MAGI1: variants seen among roughly 807,000 people sequenced by gnomAD.
The protein encoded by MAGI1 is membrane associated guanylate kinase, WW and PDZ domain containing 1.
A neutral mutation model predicts 139.9 loss-of-function variants in MAGI1; 58 were observed. The observed-to-expected ratio is 0.41, with a 90% CI of 0.34 to 0.52. MAGI1 has a LOEUF of 0.52. MAGI1 is among the 20% of genes least tolerant of loss of function. The probability of loss-of-function intolerance (pLI) is 0.12; values close to 1 mark genes in which losing one functional copy is unlikely to be tolerated. For missense variants in MAGI1, 1,874 were observed against 1,901.6 expected (o/e 0.99, Z 0.27); for synonymous variants, 812 against 737.9 (o/e 1.10, Z -1.63).
intron 2 of MAGI1, among the ~76,000 whole-genome samples, chr3:65,510,121 C>G (rs989050593): frequency 6.6e-6 from 1 of 152,288 alleles, no homozygotes; most frequent in Non-Finnish European, 1.5e-5. Flanking sequence ...AACTAACAAA[C>G]AGAAAGGACA....
intron 1 of MAGI1, among the ~76,000 whole-genome samples, chr3:65,978,223 T>C (rs1379743551): frequency 1.3e-5 from 2 of 152,166 alleles, no homozygotes; most frequent in African/African-American, 4.8e-5. Flanking sequence ...AAGAATATTA[T>C]CCTCCTCTTA....
chr3:65,557,534 G>A (rs533652784), intron 2 of MAGI1, among the ~76,000 whole-genome samples: 8 of 152,258 alleles, frequency 5.3e-5, no homozygotes, highest in Middle Eastern at 3.4e-3. Flanking sequence ...TAAATATATC[G>A]TTTTAGCTTT....
intron 2 of MAGI1, among the ~76,000 whole-genome samples, chr3:65,551,461 C>A (rs1451986662): frequency 1.3e-5 from 2 of 152,128 alleles, no homozygotes; most frequent in South Asian, 2.1e-4. Context: ...CCACCGCGCG[C>A]GGCTAATTTT....
At chr3:65,628,082 G>A (rs1224133984) in intron 1 of MAGI1, among the ~76,000 whole-genome samples, 2 of 151,930 alleles carry the variant, frequency 1.3e-5, no homozygotes, top group East Asian at 3.9e-4. Context: ...GCAAATGTGT[G>A]GGGTTTTTCC....
chr3:65,985,744 G>A (rs567037820), intron 1 of MAGI1, among the ~76,000 whole-genome samples: 1 of 152,316 alleles, frequency 6.6e-6, no homozygotes, highest in South Asian at 2.1e-4. Context: ...AGCAAGGAGA[G>A]GGGGTGGTTT....
intron 14 of MAGI1, chr3:65,387,096 C>T (rs373138145): frequency 2.0e-6 from 3 of 1,527,478 alleles, no homozygotes; most frequent in African/African-American, 1.4e-5. Flanking sequence ...GAACATCAAA[C>T]AAGATGAATG....
chr3:65,540,134 C>T (rs1183874913), intron 2 of MAGI1, among the ~76,000 whole-genome samples: 8 of 152,182 alleles, frequency 5.3e-5, no homozygotes, highest in Non-Finnish European at 8.8e-5. Flanking sequence ...CATACAACAG[C>T]AACTTATGCT....
chr3:66,034,571 C>T (rs574465596), intron 1 of MAGI1, among the ~76,000 whole-genome samples: 3 of 152,192 alleles, frequency 2.0e-5, no homozygotes, highest in East Asian at 1.9e-4. Context: ...TATACTAGGA[C>T]GGCTAAAATT....
chr3:65,658,102 G>A (rs913594584), intron 1 of MAGI1, among the ~76,000 whole-genome samples: 11 of 152,134 alleles, frequency 7.2e-5, no homozygotes, highest in South Asian at 2.1e-4. Context: ...GGAAAATCAC[G>A]AACTTTATCA....
chr3:65,676,923 A>G lies in MAGI1; in HGVS notation c.314-54835T>C, dbSNP rs141742675. Among the ~76,000 whole-genome samples the G allele has an allele frequency of 1.7e-3, 254 of 152,312 alleles. 1 individual carries two copies. The highest frequency in any genetic ancestry group is 6.8e-3 in the Middle Eastern group (2 of 294). On this transcript the variant is annotated intron_variant, in intron 1 of 22. Transcript: ENST00000402939. ...ACAAACATACCAGATTCCATTACCA[A>G]TGAGCTATTCAAAGGGATTTTACCA...
chr3:65,690,006 C>T (rs1389523797), intron 1 of MAGI1, among the ~76,000 whole-genome samples: 1 of 152,114 alleles, frequency 6.6e-6, no homozygotes, highest in Non-Finnish European at 1.5e-5. Context: ...CATGTTGTTT[C>T]AATGAGGTTG....
chr3:65,633,896 G>A (rs1386217533), intron 1 of MAGI1, among the ~76,000 whole-genome samples: 1 of 152,140 alleles, frequency 6.6e-6, no homozygotes, highest in East Asian at 1.9e-4. Flanking sequence ...TCAGAATGCT[G>A]AGTGGAATCT....
chr3:65,990,300 A>C (rs1279677511), intron 1 of MAGI1, among the ~76,000 whole-genome samples: 4 of 152,174 alleles, frequency 2.6e-5, no homozygotes, highest in Admixed American at 1.3e-4. Flanking sequence ...CACTGGCAAA[A>C]ATGGAAAAGT....
intron 1 of MAGI1, among the ~76,000 whole-genome samples, chr3:65,754,929 A>G (rs978067515): frequency 2.0e-5 from 3 of 151,708 alleles, no homozygotes; most frequent in African/African-American, 7.3e-5. Context: ...CACCACAAAT[A>G]GTATATTTAT....
chr3:65,713,262 C>A (rs916851028), intron 1 of MAGI1, among the ~76,000 whole-genome samples: 64 of 152,220 alleles, frequency 4.2e-4, no homozygotes, highest in African/African-American at 1.5e-3. Context: ...AGCAAAGCTG[C>A]AGCCATCACC....
intron 1 of MAGI1, among the ~76,000 whole-genome samples, chr3:65,712,764 G>A (rs185194052): frequency 2.6e-4 from 39 of 152,172 alleles, no homozygotes; most frequent in Middle Eastern, 3.4e-3. Flanking sequence ...CACCCACCTC[G>A]GTCTCCCAAA....
chr3:65,451,924 A>C (rs1255132812), intron 6 of MAGI1, among the ~76,000 whole-genome samples: 1 of 152,194 alleles, frequency 6.6e-6, no homozygotes, highest in Non-Finnish European at 1.5e-5. Context: ...CTGAGATTAC[A>C]GGTATGAGCC....
chr3:65,437,754 A>G (rs987844086), intron 9 of MAGI1, among the ~76,000 whole-genome samples: 6 of 152,174 alleles, frequency 3.9e-5, no homozygotes, highest in African/African-American at 1.4e-4. Flanking sequence ...GGAAGGCCAG[A>G]CATAACTCAC....
intron 2 of MAGI1, among the ~76,000 whole-genome samples, chr3:65,574,175 ATTTT>A (rs1414319595): frequency 2.6e-5 from 4 of 151,538 alleles, no homozygotes; most frequent in African/African-American, 7.3e-5. Context: ...TAGAAATTTT[ATTTT>A]TTATTTTTTA....
Sources: gnomAD v4.1 joint callset for allele counts (sites outside exome capture counted in the v4.1 genomes callset) on GRCh38, gnomAD v4.1.1 for gene constraint, MANE v1.5 for transcripts, NCBI Gene and HGNC (gene_info 2026-07-23, HGNC 2026-07-21) for gene names.